The following ST8SIA4 variants were observed in gnomAD, a reference collection of about 807,000 sequenced individuals.
ST8SIA4 encodes ST8 alpha-N-acetyl-neuraminide alpha-2,8-sialyltransferase 4.
Under a neutral mutation model 33.9 loss-of-function variants are expected in ST8SIA4, and 15 were observed. The observed-to-expected ratio is 0.44, with a 90% CI of 0.30 to 0.68. ST8SIA4 has a LOEUF of 0.68. ST8SIA4 is among the 30% of genes least tolerant of loss of function. The pLI is 0.10. For synonymous variants in ST8SIA4, 171 were observed against 151.2 expected (o/e 1.13, Z -0.96); for missense variants, 321 against 428.0 (o/e 0.75, Z 2.21).
At chr5:100,868,356 G>C (rs1383758702) in intron 3 of ST8SIA4, among the ~76,000 whole-genome samples, 1 of 151,976 alleles carries the variant, frequency 6.6e-6, no homozygotes, top group Non-Finnish European at 1.5e-5. Context: ...TGCATGTGTA[G>C]TAGCCAGGGA....
chr5:100,858,437 C>A (rs116549739), intron 3 of ST8SIA4, among the ~76,000 whole-genome samples: 2,548 of 151,946 alleles, frequency 0.017, 28 homozygotes, highest in Admixed American at 0.025. Context: ...AAAAACCAAC[C>A]CAATTAAATA....
intron 3 of ST8SIA4, among the ~76,000 whole-genome samples, chr5:100,862,604 G>A (rs1255210749): frequency 3.3e-5 from 5 of 151,540 alleles, no homozygotes; most frequent in African/African-American, 1.2e-4. Context: ...GTTTCACTAT[G>A]TTTGTCATGC....
intron 4 of ST8SIA4, among the ~76,000 whole-genome samples, chr5:100,836,195 C>T (rs571881839): frequency 4.2e-4 from 64 of 152,104 alleles, no homozygotes; most frequent in African/African-American, 9.9e-4. Flanking sequence ...CTGTTCTAAA[C>T]GCTTTGCATA....
intron 3 of ST8SIA4, among the ~76,000 whole-genome samples, chr5:100,883,546 A>G (rs1387412361): frequency 6.6e-6 from 1 of 152,154 alleles, no homozygotes; most frequent in Non-Finnish European, 1.5e-5. Flanking sequence ...ATGTGAGGAC[A>G]TGATATTTGG....
At chr5:100,837,390 C>T (rs1751385465) in intron 4 of ST8SIA4, among the ~76,000 whole-genome samples, 1 of 151,928 alleles carries the variant, frequency 6.6e-6, no homozygotes, top group Non-Finnish European at 1.5e-5. Flanking sequence ...ACTATGATGA[C>T]AGCTAAAATT....
intron 1 of ST8SIA4, among the ~76,000 whole-genome samples, chr5:100,896,751 C>G: frequency 6.6e-6 from 1 of 152,154 alleles, no homozygotes; most frequent in East Asian, 1.9e-4. Context: ...TGTTTCCTCA[C>G]TAGCTCTGTT....
intron 3 of ST8SIA4, among the ~76,000 whole-genome samples, chr5:100,879,026 A>C (rs527474932): frequency 4.6e-5 from 7 of 152,312 alleles, no homozygotes; most frequent in African/African-American, 1.7e-4. Context: ...AATTTAATCT[A>C]CAACATTCTA....
intron 4 of ST8SIA4, among the ~76,000 whole-genome samples, chr5:100,840,103 G>A (rs1331198619): frequency 1.3e-5 from 2 of 151,242 alleles, no homozygotes; most frequent in Non-Finnish European, 3.0e-5. Context: ...ATCTTATTTG[G>A]TCTTATCAGT....
rs190765249 is a variant in ST8SIA4, at chr5:100,892,280, A to G, written c.245+3374T>C. On this transcript the variant is annotated intron_variant, in intron 2 of 4. Coordinates refer to ENST00000231461, the MANE Select transcript of ST8SIA4 (RefSeq NM_005668.6). ...TACGATGTTCACAGATTTATTCACA[A>G]CATTTAATGCATCTTAAATGTGTTA... 3.3e-3 allele frequency among the ~76,000 whole-genome samples: 509 copies of G among 152,296 alleles called. 1 individual carries two copies. The highest frequency in any genetic ancestry group is 0.012 in the African/African-American group (489 of 41,576).
In ST8SIA4 at chr5:100,886,365, C is replaced by T; in HGVS notation, c.481G>A (p.Asp161Asn). The T allele has an allele frequency of 6.2e-7, 1 of 1,613,656 alleles. No individual in the cohort carries two copies. Among genetic ancestry groups the T allele is most frequent in the Non-Finnish European group, 8.5e-7 (1 of 1,179,666 alleles). The change falls in exon 3 of 5, where the codon GAC (aspartate) becomes AAC (asparagine). Residue 161 changes from aspartate (D) to asparagine (N), a missense_variant. By Grantham distance (23) the Asp-to-Asn change is conservative. Coordinates refer to ENST00000231461, the MANE Select transcript of ST8SIA4 (RefSeq NM_005668.6). ...CACCTTATTACAAAATTGTGACTGT[C>T]AATCTCCTTTCCACATTCACTGTCT... is the stretch of plus-strand genomic sequence containing the variant. ...LLDSECGKEI[D>N]SHNFVIRCNL...
rs1240361231 is a variant in ST8SIA4, at chr5:100,809,048, A to T, written c.*2799T>A. ...ACAAAGTAATGTGAAAAAGCTAAAA[A>T]GGCACTACTCAATGCATCTATGAGA... On this transcript the variant is annotated 3_prime_UTR_variant, in exon 5 of 5. Coordinates refer to ENST00000231461, the MANE Select transcript of ST8SIA4 (RefSeq NM_005668.6). 3 of 152,664 alleles carry T rather than the reference A, an allele frequency of 2.0e-5. No individual in the cohort carries two copies. The highest frequency in any genetic ancestry group is 6.5e-5 in the Admixed American group (1 of 15,292). 9.5% of individuals were successfully genotyped at this position (152,664 alleles called of 1,614,324 possible). A position where few individuals can be genotyped will look rare whatever the true frequency, so the allele number is the denominator to read the frequency against.
chr5:100,813,649 G>T (rs1750856413), intron 4 of ST8SIA4, among the ~76,000 whole-genome samples: 1 of 151,962 alleles, frequency 6.6e-6, no homozygotes, highest in African/African-American at 2.4e-5. Flanking sequence ...AAACTTCTTT[G>T]AAGGCTTTGA....
chr5:100,843,181 C>T (rs568715120), intron 4 of ST8SIA4, among the ~76,000 whole-genome samples: 9 of 151,804 alleles, frequency 5.9e-5, no homozygotes, highest in African/African-American at 1.9e-4. Flanking sequence ...GACAGTTTTC[C>T]ACTGATTTTA....
At chr5:100,852,739 CT>C (rs750836256) in intron 4 of ST8SIA4, among the ~76,000 whole-genome samples, 17 of 152,138 alleles carry the variant, frequency 1.1e-4, no homozygotes, top group Non-Finnish European at 2.2e-4. Context: ...AATTTTGTGA[CT>C]GATGGTTTCA....
intron 4 of ST8SIA4, among the ~76,000 whole-genome samples, chr5:100,821,962 C>T (rs1751040814): frequency 6.6e-6 from 1 of 152,146 alleles, no homozygotes; most frequent in Non-Finnish European, 1.5e-5. Context: ...GGGAACTTCC[C>T]AGCTGAGGAA....
chr5:100,878,070 C>A (rs554404391), intron 3 of ST8SIA4, among the ~76,000 whole-genome samples: 1 of 152,108 alleles, frequency 6.6e-6, no homozygotes, highest in African/African-American at 2.4e-5. Flanking sequence ...CCTCATTTTT[C>A]GGCTTGATGG....
chr5:100,891,818 T>C (rs1451846027), intron 2 of ST8SIA4, among the ~76,000 whole-genome samples: 1 of 152,084 alleles, frequency 6.6e-6, no homozygotes, highest in Non-Finnish European at 1.5e-5. Flanking sequence ...GTTTGAATCT[T>C]GACACTGCCA....
intron 1 of ST8SIA4, among the ~76,000 whole-genome samples, chr5:100,896,491 G>A (rs1752782743): frequency 6.6e-6 from 1 of 152,070 alleles, no homozygotes; most frequent in African/African-American, 2.4e-5. Context: ...TTCACACTTA[G>A]ACGGGAGGAA....
At chr5:100,877,986 GA>G (rs963853339) in intron 3 of ST8SIA4, among the ~76,000 whole-genome samples, 3 of 152,088 alleles carry the variant, frequency 2.0e-5, no homozygotes, top group African/African-American at 7.2e-5. Flanking sequence ...ATTAACCTTT[GA>G]AAAGGATCTA....
Sources: allele counts gnomAD v4.1 joint callset (sites outside exome capture counted in the v4.1 genomes callset), GRCh38; gene constraint gnomAD v4.1.1; transcripts MANE v1.5; gene names NCBI Gene and HGNC (gene_info 2026-07-23, HGNC 2026-07-21).